Variants in FRMD1 observed in about 807,000 individuals in gnomAD.
FRMD1 encodes the protein FERM domain containing 1, also known as FERM domain-containing protein 1.
A neutral mutation model predicts 54.9 loss-of-function variants in FRMD1; 51 were observed. The ratio of observed to expected loss-of-function variants is 0.93; its 90% confidence interval spans 0.74 to 1.17. FRMD1 has a LOEUF of 1.17. Ranked by LOEUF, FRMD1 falls within the 50% of genes most tolerant of loss-of-function variation. The pLI is 0.00. For missense variants in FRMD1, 729 were observed against 743.0 expected (o/e 0.98, Z 0.22); for synonymous variants, 324 against 306.4 (o/e 1.06, Z -0.60).
At chr6:168,058,687 C>T in intron 10 of FRMD1, among the ~76,000 whole-genome samples, 1 of 152,164 alleles carries the variant, frequency 6.6e-6, no homozygotes, top group East Asian at 1.9e-4. Flanking sequence ...TCCTAAGGCT[C>T]AGTAGCTCTA....
upstream of FRMD1, among the ~76,000 whole-genome samples, chr6:168,084,459 AGAG>A (rs1800885481): frequency 6.6e-6 from 1 of 152,246 alleles, no homozygotes; most frequent in African/African-American, 2.4e-5. Context: ...GCCATCTGTT[AGAG>A]GAGAACAAAT....
At chr6:168,067,078 G>A (rs1236511292) in intron 3 of FRMD1, 5 of 710,874 alleles carry the variant, frequency 7.0e-6, no homozygotes, top group Non-Finnish European at 1.3e-5. Flanking sequence ...CCTGCTTGCA[G>A]CCTCAGGGCT....
At chr6:168,058,388 G>A (rs1408719130) in intron 10 of FRMD1, among the ~76,000 whole-genome samples, 1 of 147,608 alleles carries the variant, frequency 6.8e-6, no homozygotes, top group Non-Finnish European at 1.5e-5. Flanking sequence ...TCTGCCTCCC[G>A]TGCCCAGCCC....
chr6:168,081,452 G>A (rs1342651315), upstream of FRMD1: 17 of 1,531,230 alleles, frequency 1.1e-5, no homozygotes, highest in East Asian at 3.7e-4. Flanking sequence ...GCGAGGAAGA[G>A]GAGACCACCG....
upstream of FRMD1, among the ~76,000 whole-genome samples, chr6:168,080,552 C>T (rs1228956656): frequency 4.6e-5 from 7 of 152,328 alleles, no homozygotes; most frequent in East Asian, 3.9e-4. Context: ...TGCCCTCAGC[C>T]GCTGCCTGGA....
At chr6:168,091,606 G>A (rs9355164) in intron 1 of FRMD1, among the ~76,000 whole-genome samples, 63,992 of 151,886 alleles carry the variant, frequency 0.42, 14,306 homozygotes, top group South Asian at 0.66. Flanking sequence ...GGGAGAGGCT[G>A]GCAACTGCAT....
chr6:168,063,457 C>G (rs1397836368), intron 6 of FRMD1, 144 bp downstream of exon 6: 1 of 961,108 alleles, frequency 1.0e-6, no homozygotes, highest in Non-Finnish European at 1.5e-6. Context: ...TCTATCCCTG[C>G]CCCGGGGTCC....
chr6:168,074,539 T>C (rs1800472075), intron 2 of FRMD1, among the ~76,000 whole-genome samples: 1 of 144,708 alleles, frequency 6.9e-6, no homozygotes, highest in Non-Finnish European at 1.5e-5. Context: ...TACATGTGAG[T>C]AGTGTGTAAT....
rs1195560394 is a variant in FRMD1, at chr6:168,060,895, G to A, written c.1208C>T (p.Ala403Val). The A allele has an allele frequency of 9.9e-6, 16 of 1,613,866 alleles. No homozygotes were observed. The highest frequency in any genetic ancestry group is 1.2e-5 in the Non-Finnish European group (14 of 1,180,030). The change falls in exon 9 of 11, where the codon GCC (alanine) becomes GTC (valine). Residue 403 changes from alanine to valine, a missense_variant. Coordinates refer to ENST00000283309, the MANE Select transcript of FRMD1 (RefSeq NM_024919.6). Reference sequence around the variant, plus strand: ...TCTGGATTCCCTGAGCCAGGAGTTGGCCTTGATGCCTGACGTGTAGGAACT... The same window carrying A: ...TCTGGATTCCCTGAGCCAGGAGTTGACCTTGATGCCTGACGTGTAGGAACT... ...HGSSYTSGIK[A>V]NSWLRESREM...
chr6:168,075,235 C>G lies in FRMD1; in HGVS notation c.304+10G>C. 1 of 1,612,236 alleles carries G rather than the reference C, an allele frequency of 6.2e-7. No homozygotes were observed. The highest frequency in any genetic ancestry group is 1.1e-5 in the South Asian group (1 of 91,052). On this transcript the variant is annotated intron_variant, in intron 2 of 10. Coordinates refer to ENST00000283309, the MANE Select transcript of FRMD1 (RefSeq NM_024919.6). ...GGCATTCCTGCAGGTGGGGACTGAGCGATGCTTACTTCTGACCACACAGAG... is the reference window on the plus strand; with the variant it reads ...GGCATTCCTGCAGGTGGGGACTGAGGGATGCTTACTTCTGACCACACAGAG...
At chr6:168,062,664 C>G (rs570718154) in intron 7 of FRMD1, 2 of 1,550,394 alleles carry the variant, frequency 1.3e-6, no homozygotes, top group Admixed American at 3.9e-5. Context: ...ACCCCCCAGA[C>G]ACCCACCAGA....
At chr6:168,057,769 C>T (rs547906648) in intron 10 of FRMD1, 2 of 179,904 alleles carry the variant, frequency 1.1e-5, no homozygotes, top group Admixed American at 5.5e-5. Flanking sequence ...TCCAGGTGGG[C>T]GGCCAGCGGG....
intron 1 of FRMD1, among the ~76,000 whole-genome samples, chr6:168,089,408 C>T (rs1356286335): frequency 2.0e-5 from 3 of 152,226 alleles, no homozygotes; most frequent in South Asian, 2.1e-4. Context: ...AGGCTGTGGC[C>T]GCTTCCTCCT....
rs1430251800 is a variant in FRMD1, at chr6:168,079,050, T to C, written c.45A>G (p.Thr15=). 5.0e-6 allele frequency: 8 copies of C among 1,610,588 alleles called. No homozygotes were observed. The South Asian group carries it at 6.6e-5, about 13-fold the overall frequency. ...PRGRGIDPAR[T]NPDTFPPSGA... ...CTGAAGGAGGGAACGTGTCAGGGTT[T>C]GTCCGGGCGGGGTCTATGCCCCTCC... The change falls in exon 1 of 11, where the codon ACA becomes ACG. Residue 15 remains threonine, a synonymous_variant. Coordinates refer to ENST00000283309, the MANE Select transcript of FRMD1 (RefSeq NM_024919.6).
intron 1 of FRMD1, among the ~76,000 whole-genome samples, chr6:168,086,822 C>T (rs545619019): frequency 3.9e-5 from 6 of 152,230 alleles, no homozygotes; most frequent in African/African-American, 7.2e-5. Flanking sequence ...CTGTGGGGGC[C>T]GGGGTGAAGC....
chr6:168,057,617 T>C, intron 10 of FRMD1: 1 of 472,088 alleles, frequency 2.1e-6, no homozygotes. Context: ...ACCTGGACTC[T>C]TAGCGTTTGG....
chr6:168,072,972 C>T (rs1206081751), intron 2 of FRMD1, among the ~76,000 whole-genome samples: 1 of 152,184 alleles, frequency 6.6e-6, no homozygotes, highest in Non-Finnish European at 1.5e-5. Context: ...TCAGATGGCT[C>T]AGGTTCCCAT....
upstream of FRMD1, chr6:168,079,313 A>C: frequency 1.2e-6 from 1 of 853,742 alleles, no homozygotes; most frequent in East Asian, 2.9e-5. Context: ...ATGCAAATAA[A>C]CAACCTCAGG....
intron 1 of FRMD1, among the ~76,000 whole-genome samples, chr6:168,089,435 C>G (rs1276687616): frequency 3.9e-5 from 6 of 152,244 alleles, no homozygotes; most frequent in African/African-American, 1.4e-4. Context: ...AGGGACCAGC[C>G]TTGAGAAGGC....
Sources: gnomAD v4.1 joint callset for allele counts (sites outside exome capture counted in the v4.1 genomes callset) on GRCh38, gnomAD v4.1.1 for gene constraint, MANE v1.5 for transcripts, NCBI Gene and HGNC (gene_info 2026-07-23, HGNC 2026-07-21) for gene names.